STAG3: variants seen among roughly 807,000 people sequenced by gnomAD.
STAG3 encodes STAG3 cohesin complex component.
Under a neutral mutation model 160.7 loss-of-function variants are expected in STAG3, and 101 were observed. The observed-to-expected ratio is 0.63, with a 90% CI of 0.54 to 0.74. The LOEUF is 0.74. Among genes scored for constraint, STAG3 ranks in the 30% least tolerant of loss-of-function variants. STAG3 has a pLI of 0.00. For synonymous variants in STAG3, 519 were observed against 585.0 expected, an observed-to-expected ratio of 0.89 and a Z score of 1.63; for missense variants, 1,188 against 1,517.4, an observed-to-expected ratio of 0.78 and a Z score of 3.61.
intron 25 of STAG3, 125 bp from the exon 26 acceptor site, chr7:100,203,896 A>C: frequency 1.6e-6 from 1 of 620,708 alleles, no homozygotes. Flanking sequence ...GAATTATTTT[A>C]TGCTTCAGTT....
chr7:100,218,281 A>G (rs1162032656), downstream of STAG3: 5 of 121,300 alleles, frequency 4.1e-5, no homozygotes, highest in South Asian at 8.3e-4. Context: ...AAAGATTATT[A>G]TAATATTGGA....
At chr7:100,197,618 G>C in intron 10 of STAG3, 160 bp from the exon 11 acceptor site, 1 of 705,688 alleles carries the variant, frequency 1.4e-6, no homozygotes, top group Non-Finnish European at 2.5e-6. Context: ...TTTTAAGTAA[G>C]AAGACAGCTG....
At chr7:100,211,236 G>A (rs1288109584) in intron 30 of STAG3, 51 bp downstream of exon 30, 3 of 1,530,936 alleles carry the variant, frequency 2.0e-6, no homozygotes, top group Middle Eastern at 1.8e-4. Context: ...TTGGTGTCTG[G>A]CTGCCTCCAT....
intron 1 of STAG3, among the ~76,000 whole-genome samples, chr7:100,178,494 C>T (rs1201291230): frequency 1.3e-5 from 2 of 151,022 alleles, no homozygotes; most frequent in African/African-American, 2.4e-5. Flanking sequence ...CTGTAAGTTC[C>T]CTTGCAGAGG....
chr7:100,203,365 T>C (rs1366165958), intron 25 of STAG3, among the ~76,000 whole-genome samples: 1 of 151,862 alleles, frequency 6.6e-6, no homozygotes, highest in Non-Finnish European at 1.5e-5. Flanking sequence ...TTTATAGTTT[T>C]AGTAAAGACA....
chr7:100,203,494 G>C (rs919483381), intron 25 of STAG3, among the ~76,000 whole-genome samples: 1 of 151,134 alleles, frequency 6.6e-6, no homozygotes, highest in African/African-American at 2.4e-5. Flanking sequence ...TTCATTATTT[G>C]TTTTTTATTT....
Position 100,211,184 on chromosome 7 carries a change from G to A in STAG3, c.3412G>A (p.Gly1138Ser), listed in dbSNP as rs1459066279. 1 of 1,570,834 alleles carries A rather than the reference G, an allele frequency of 6.4e-7. No homozygotes were observed. Among genetic ancestry groups the A allele is most frequent in the Non-Finnish European group, 8.6e-7 (1 of 1,159,766 alleles). Residue 1138 changes from glycine (G) to serine (S), a missense_variant and splice_region_variant, in exon 30 of 34, where the codon GGC becomes AGC. By Grantham distance (56) the Gly-to-Ser change is moderately conservative. Coordinates refer to ENST00000615138, the MANE Select transcript of STAG3 (RefSeq NM_001282717.2). ...EDGSELDFAQ[G>S]SQPVAGTERS... ...TGGCTCAGAGTTGGATTTTGCCCAG[G>A]GGTGAGGCCATGGAGGGAATCTGGG...
chr7:100,209,721 G>C (rs2950518), intron 29 of STAG3, among the ~76,000 whole-genome samples: 1 of 151,902 alleles, frequency 6.6e-6, no homozygotes, highest in African/African-American at 2.4e-5. Flanking sequence ...TGGAGGTGCC[G>C]AGAAACGGCC....
intron 4 of STAG3, 23 bp from the exon 5 acceptor site, chr7:100,186,177 T>G (rs762006453): frequency 1.3e-6 from 2 of 1,584,076 alleles, no homozygotes; most frequent in South Asian, 2.2e-5. Flanking sequence ...GAAACAGAAG[T>G]CATCTACATT....
chr7:100,217,776 T>A (rs1727140), downstream of STAG3, among the ~76,000 whole-genome samples: 105,068 of 152,096 alleles, frequency 0.69, 37,013 homozygotes, highest in Middle Eastern at 0.86. Flanking sequence ...CATCATTACT[T>A]CTTCTATGCT....
Position 100,188,878 on chromosome 7 carries a change from G to T in STAG3, c.577G>T (p.Glu193Ter). 6.2e-7 allele frequency: 1 copy of T among 1,614,170 alleles called. No homozygotes were observed. The highest frequency in any genetic ancestry group is 1.3e-5 in the African/African-American group (1 of 75,026). Residue 193 changes from glutamate (E) to a stop codon, truncating the protein, a stop_gained, in exon 7 of 34, where the codon GAA (glutamate) becomes TAA (stop). Transcript: ENST00000615138. LOFTEE classifies it high-confidence loss of function. ...GAAGAAGTTCCAGGGCAGCTTCTGT[G>T]AATTTGTGAGGACATTGGTCTGTCA... Reference protein sequence around the residue: ...SWKKFQGSFCEFVRTLVCQCQ... With the variant: ...SWKKFQGSFC
Position 100,204,652 on chromosome 7 carries a change from A to C in STAG3, c.2828A>C (p.His943Pro). Residue 943 changes from histidine to proline, a missense_variant, in exon 27 of 34, where the codon CAT becomes CCT. His to Pro is a moderately conservative substitution (Grantham distance 77). Around this residue, in one of 4 missense-constraint regions of STAG3, gnomAD observed 647 missense variants for 717.2 expected, o/e 0.90. Transcript: ENST00000615138. ...KQLYTELLQE[H>P]GPQGLNELPA... ...CTGTACACAGAACTGCTGCAGGAGC[A>C]TGGGCCCCAGGGCCTGAATGAGCTT... is the stretch of plus-strand genomic sequence containing the variant. The C allele has an allele frequency of 6.2e-7, 1 of 1,614,154 alleles. No individual in the cohort carries two copies. Among genetic ancestry groups the C allele is most frequent in the Non-Finnish European group, 8.5e-7 (1 of 1,180,020 alleles).
At chr7:100,179,117 G>C (rs1799465904) in intron 1 of STAG3, among the ~76,000 whole-genome samples, 1 of 150,178 alleles carries the variant, frequency 6.7e-6, no homozygotes, top group Non-Finnish European at 1.5e-5. Flanking sequence ...TGGGATTCCA[G>C]GTTTGAGCCA....
chr7:100,185,525 G>A (rs1280125939), intron 4 of STAG3, among the ~76,000 whole-genome samples: 5 of 151,040 alleles, frequency 3.3e-5, no homozygotes, highest in East Asian at 1.9e-4. Flanking sequence ...TTGCTTGAAC[G>A]TGGGAGGTGG....
chr7:100,182,052 G>T (rs766637930), intron 2 of STAG3, 38 bp from the exon 3 acceptor site: 2 of 1,495,268 alleles, frequency 1.3e-6, no homozygotes, highest in African/African-American at 1.4e-5. Flanking sequence ...GGAGGGAATA[G>T]GGTGGTTATA....
At chr7:100,186,640 C>T (rs1288464187) in intron 5 of STAG3, among the ~76,000 whole-genome samples, 3 of 152,058 alleles carry the variant, frequency 2.0e-5, no homozygotes, top group South Asian at 2.1e-4. Context: ...GCCAGGATAG[C>T]GCCACTGCAC....
chr7:100,213,825 G>C lies in STAG3; in HGVS notation c.3672+19G>C. On this transcript the variant is annotated intron_variant, in intron 33 of 33. Coordinates refer to ENST00000615138, the MANE Select transcript of STAG3 (RefSeq NM_001282717.2). Reference sequence around the variant, plus strand: ...TATTGAGGTGAGTGTCCCCAGAGCAGGAGTTATGTATCCTTCGGAAATGCT... The same window carrying C: ...TATTGAGGTGAGTGTCCCCAGAGCACGAGTTATGTATCCTTCGGAAATGCT... 2 of 1,614,184 alleles carry C rather than the reference G, an allele frequency of 1.2e-6. No individual in the cohort carries two copies. Among genetic ancestry groups the C allele is most frequent in the Middle Eastern group, 1.6e-4 (1 of 6,062 alleles).
chr7:100,215,068 C>G (rs1211051284), downstream of STAG3: 3 of 152,250 alleles, frequency 2.0e-5, no homozygotes, highest in African/African-American at 4.8e-5. Flanking sequence ...CACCTCTGTT[C>G]TCTCTTGTCC....
intron 5 of STAG3, among the ~76,000 whole-genome samples, chr7:100,186,980 A>G (rs1800043039): frequency 6.6e-6 from 1 of 151,962 alleles, no homozygotes; most frequent in African/African-American, 2.4e-5. Flanking sequence ...GTCAGGTTGT[A>G]TTATATAAGA....
Sources: allele counts gnomAD v4.1 joint callset (sites outside exome capture counted in the v4.1 genomes callset), GRCh38; gene constraint gnomAD v4.1.1; regional missense constraint gnomAD v4.1.1; transcripts MANE v1.5; gene names NCBI Gene and HGNC (gene_info 2026-07-23, HGNC 2026-07-21).